Variants in SEMA3A observed in about 807,000 individuals in gnomAD.
The protein encoded by SEMA3A is semaphorin 3A.
SEMA3A carries 29 observed loss-of-function variants against 97.9 expected under a neutral mutation model. The ratio of observed to expected loss-of-function variants is 0.30; its 90% CI spans 0.22 to 0.40. The LOEUF is 0.40. SEMA3A is among the 10% of genes least tolerant of loss of function. The probability of loss-of-function intolerance (pLI) is 1.00; values close to 1 mark genes in which losing one functional copy is unlikely to be tolerated. For synonymous variants in SEMA3A, 321 were observed against 323.7 expected (o/e 0.99, Z 0.09); for missense variants, 763 against 951.3 (o/e 0.80, Z 2.60).
At chr7:84,133,161 A>G (rs1403844686) in intron 2 of SEMA3A, among the ~76,000 whole-genome samples, 1 of 152,190 alleles carries the variant, frequency 6.6e-6, no homozygotes, top group Non-Finnish European at 1.5e-5. Context: ...GGGCTTTGAA[A>G]TCAATTGAAT....
At chr7:83,972,852 A>ATAAT (rs1051014163) in intron 15 of SEMA3A, among the ~76,000 whole-genome samples, 19 of 152,266 alleles carry the variant, frequency 1.2e-4, no homozygotes, top group African/African-American at 4.6e-4. Flanking sequence ...TTGCACACAT[A>ATAAT]TAATATGAAT....
intron 12 of SEMA3A, among the ~76,000 whole-genome samples, chr7:83,997,326 A>G (rs1790262397): frequency 6.6e-6 from 1 of 152,214 alleles, no homozygotes; most frequent in African/African-American, 2.4e-5. Flanking sequence ...CTCGAATAGA[A>G]ACAAAGAAAC....
At chr7:84,072,836 G>C (rs139039962) in intron 4 of SEMA3A, among the ~76,000 whole-genome samples, 1 of 152,012 alleles carries the variant, frequency 6.6e-6, no homozygotes, top group Non-Finnish European at 1.5e-5. Context: ...AAAACTTCAT[G>C]TATATATTAT....
chr7:84,232,443 CCTCT>C (rs1402322814), intron 3 of SEMA3A, among the ~76,000 whole-genome samples: 1 of 147,906 alleles, frequency 6.8e-6, no homozygotes, highest in Non-Finnish European at 1.5e-5. Flanking sequence ...TCTCTCTCTC[CCTCT>C]CTCTCTGTCA....
intron 3 of SEMA3A, among the ~76,000 whole-genome samples, chr7:84,283,401 T>A (rs1161842579): frequency 1.3e-5 from 2 of 152,154 alleles, no homozygotes; most frequent in African/African-American, 4.8e-5. Flanking sequence ...TGTTCAACTA[T>A]TACTGTTAAT....
intron 1 of SEMA3A, among the ~76,000 whole-genome samples, chr7:84,450,629 T>C (rs1805530445): frequency 6.6e-6 from 1 of 152,220 alleles, no homozygotes; most frequent in South Asian, 2.1e-4. Context: ...TGCTGCCTAT[T>C]TGTAAGTAGT....
chr7:84,114,085 T>G (rs750751806), intron 3 of SEMA3A, among the ~76,000 whole-genome samples: 5 of 152,150 alleles, frequency 3.3e-5, no homozygotes, highest in Non-Finnish European at 7.4e-5. Flanking sequence ...TTACGCAGAC[T>G]TTTCCTGGAC....
At chr7:84,193,842 T>C (rs1029543981) in intron 1 of SEMA3A, among the ~76,000 whole-genome samples, 8 of 152,098 alleles carry the variant, frequency 5.3e-5, no homozygotes, top group African/African-American at 1.2e-4. Context: ...CTGAAGTACA[T>C]ATAGAATTAA....
At chr7:84,463,480 C>T (rs950053809) in intron 1 of SEMA3A, among the ~76,000 whole-genome samples, 2 of 151,942 alleles carry the variant, frequency 1.3e-5, no homozygotes, top group Non-Finnish European at 2.9e-5. Flanking sequence ...GATCTCCTAA[C>T]CTCGTGATCC....
chr7:84,281,907 A>T (rs1173172592), intron 3 of SEMA3A, among the ~76,000 whole-genome samples: 1 of 152,174 alleles, frequency 6.6e-6, no homozygotes, highest in African/African-American at 2.4e-5. Context: ...GTGTGTTTTG[A>T]TAGTGCTGAG....
chr7:84,129,307 C>A, intron 2 of SEMA3A, 122 bp from the exon 3 acceptor site: 1 of 799,108 alleles, frequency 1.3e-6, no homozygotes, highest in Non-Finnish European at 2.1e-6. Flanking sequence ...AAGACTGTTT[C>A]AGGAAACTTT....
chr7:83,970,160 C>A (rs565404823), intron 15 of SEMA3A, among the ~76,000 whole-genome samples: 1 of 152,178 alleles, frequency 6.6e-6, no homozygotes, highest in South Asian at 2.1e-4. Context: ...TTGGATAACA[C>A]AATGTTTCAA....
chr7:84,461,147 T>C (rs1805828942), intron 1 of SEMA3A, among the ~76,000 whole-genome samples: 1 of 152,178 alleles, frequency 6.6e-6, no homozygotes, highest in South Asian at 2.1e-4. Flanking sequence ...ATCCTAAATG[T>C]CATGTAATAG....
At chr7:84,490,074 T>A (rs574940282) in intron 1 of SEMA3A, among the ~76,000 whole-genome samples, 4 of 151,728 alleles carry the variant, frequency 2.6e-5, no homozygotes, top group African/African-American at 9.7e-5. Flanking sequence ...ATTGTAAACA[T>A]ATTTAAGGAC....
chr7:84,140,301 G>A (rs1796259854), intron 1 of SEMA3A, among the ~76,000 whole-genome samples: 1 of 152,114 alleles, frequency 6.6e-6, no homozygotes, highest in South Asian at 2.1e-4. Flanking sequence ...AAAAGGCAAT[G>A]AAATTAATAC....
At chr7:84,396,275 A>G (rs757438936) in intron 1 of SEMA3A, among the ~76,000 whole-genome samples, 16 of 151,918 alleles carry the variant, frequency 1.1e-4, no homozygotes, top group Non-Finnish European at 1.9e-4. Context: ...CTGGAAAAAG[A>G]TCAAGAAATC....
intron 1 of SEMA3A, among the ~76,000 whole-genome samples, chr7:84,387,268 C>T (rs1803421456): frequency 6.6e-6 from 1 of 151,902 alleles, no homozygotes; most frequent in Non-Finnish European, 1.5e-5. Flanking sequence ...ACTTCTTTTA[C>T]CACTGCAATA....
intron 1 of SEMA3A, among the ~76,000 whole-genome samples, chr7:84,138,612 C>T (rs1796212719): frequency 1.3e-5 from 2 of 152,060 alleles, no homozygotes; most frequent in African/African-American, 4.8e-5. Flanking sequence ...TACTTCTCAA[C>T]AGTTTGATTT....
intron 2 of SEMA3A, among the ~76,000 whole-genome samples, chr7:84,352,031 G>T (rs1343870235): frequency 7.1e-6 from 1 of 140,548 alleles, no homozygotes; most frequent in Non-Finnish European, 1.5e-5. Flanking sequence ...AATGTATTAT[G>T]CAGCCATAAG....
Sources: gnomAD v4.1 joint callset for allele counts (sites outside exome capture counted in the v4.1 genomes callset) on GRCh38, gnomAD v4.1.1 for gene constraint, MANE v1.5 for transcripts, NCBI Gene and HGNC (gene_info 2026-07-23, HGNC 2026-07-21) for gene names.